The following SDC3 variants were observed in gnomAD, a reference collection of about 807,000 sequenced individuals.
SDC3 encodes syndecan-3.
Under a neutral mutation model 24.4 loss-of-function variants are expected in SDC3, and 13 were observed. The ratio of observed to expected loss-of-function variants is 0.53; its 90% CI spans 0.35 to 0.85. The LOEUF is 0.85. Ranked by LOEUF, SDC3 falls within the 40% of genes least tolerant of loss-of-function variation. The pLI is 0.01. For synonymous variants in SDC3, 295 were observed against 260.9 expected (o/e 1.13, Z -1.26); for missense variants, 571 against 584.5 (o/e 0.98, Z 0.24).
At chr1:30,885,833 G>A (rs1356652176) in intron 1 of SDC3, among the ~76,000 whole-genome samples, 1 of 152,154 alleles carries the variant, frequency 6.6e-6, no homozygotes, top group African/African-American at 2.4e-5. Flanking sequence ...CTGTTGAGGT[G>A]CAGACTGGCT....
intron 1 of SDC3, among the ~76,000 whole-genome samples, chr1:30,895,145 G>A (rs1392463533): frequency 6.6e-6 from 1 of 152,048 alleles, no homozygotes; most frequent in Non-Finnish European, 1.5e-5. Context: ...TGATCCCCCT[G>A]GCATAGGCTA....
At chr1:30,891,754 G>A (rs1217518008) in intron 1 of SDC3, among the ~76,000 whole-genome samples, 1 of 151,778 alleles carries the variant, frequency 6.6e-6, no homozygotes, top group Non-Finnish European at 1.5e-5. Flanking sequence ...TCAGAAGGCT[G>A]AGGCAGGAGG....
In SDC3 at chr1:30,869,564, A is replaced by T. The variant is rs1306185957; in HGVS notation, c.*3647T>A. 2 of 397,960 alleles carry T rather than the reference A, an allele frequency of 5.0e-6. No individual in the cohort carries two copies. The highest frequency in any genetic ancestry group is 8.9e-6 in the Non-Finnish European group (2 of 225,926). 24.7% of individuals were successfully genotyped at this position (397,960 alleles called of 1,614,324 possible). On this transcript the variant is annotated 3_prime_UTR_variant, in exon 5 of 5. Coordinates refer to ENST00000339394, the MANE Select transcript of SDC3 (RefSeq NM_014654.4). ...AAAAAAAAAAAAAAAAAAAAAAACA[A>T]AAACAAAACCAGTTCCTTCACAAGG...
Position 30,876,745 on chromosome 1 carries a change from G to T in SDC3, c.677C>A (p.Thr226Asn). ...LTTVATARAT[T>N]PEAPSPPTTA... Reference sequence around the variant, plus strand: ...GGTGGGCGGGGAGGGCGCCTCGGGGGTAGTGGCCCGTGCCGTAGCCACTGT... The same window carrying T: ...GGTGGGCGGGGAGGGCGCCTCGGGGTTAGTGGCCCGTGCCGTAGCCACTGT... The change falls in exon 3 of 5, where the codon ACC (threonine) becomes AAC (asparagine). Residue 226 changes from threonine (T) to asparagine (N), a missense_variant. Transcript: ENST00000339394. 1 of 1,588,908 alleles carries T rather than the reference G, an allele frequency of 6.3e-7. No individual in the cohort carries two copies. Among genetic ancestry groups the T allele is most frequent in the Non-Finnish European group, 8.6e-7 (1 of 1,167,268 alleles).
intron 3 of SDC3, among the ~76,000 whole-genome samples, chr1:30,875,849 C>T (rs1037706244): frequency 6.6e-6 from 1 of 152,168 alleles, no homozygotes; most frequent in Non-Finnish European, 1.5e-5. Flanking sequence ...CACAGTTGCT[C>T]GTCTGTAAAA....
rs11338317 is a variant in SDC3 at position 30,869,536 on chromosome 1, CAAAAAAAAAAAAAAA to C, written c.*3660_*3674del. 9.0e-6 allele frequency: 3 copies of C among 331,864 alleles called. No individual in the cohort carries two copies. The highest frequency in any genetic ancestry group is 1.6e-5 in the Non-Finnish European group (3 of 192,638). The allele number at this position is 331,864 out of a possible 1,614,324, so 20.6% of individuals were successfully genotyped here. On this transcript the variant is annotated 3_prime_UTR_variant, in exon 5 of 5. Coordinates refer to ENST00000339394, the MANE Select transcript of SDC3 (RefSeq NM_014654.4). The stretch of plus-strand genomic sequence containing the variant: ...AGGAAGTGTTAAAAAAACAAACAAA[CAAAAAAAAAAAAAAA>C]AAAAAAAAAACAAAAACAAAACCAG...
intron 1 of SDC3, among the ~76,000 whole-genome samples, chr1:30,892,316 C>T (rs1639918148): frequency 6.6e-6 from 1 of 152,188 alleles, no homozygotes; most frequent in Non-Finnish European, 1.5e-5. Flanking sequence ...CATCCCCAGG[C>T]AGGATCAGAA....
At chr1:30,906,357 C>G (rs1638520071) in intron 1 of SDC3, among the ~76,000 whole-genome samples, 1 of 152,150 alleles carries the variant, frequency 6.6e-6, no homozygotes, top group African/African-American at 2.4e-5. Flanking sequence ...TGGGCTCAGA[C>G]TCCCAGGGTC....
Position 30,874,428 on chromosome 1 carries a change from G to A in SDC3, c.1031C>T (p.Ser344Leu). ...VAVGGAAAKA[S>L]SPPGTLPKGA... The stretch of plus-strand genomic sequence containing the variant: ...CTTGGGCAGTGTCCCAGGTGGAGAT[G>A]ATGCCTTGGCCGCAGCCCCTCCCAC... Residue 344 changes from serine (S) to leucine (L), a missense_variant, in exon 4 of 5, where the codon TCA (serine) becomes TTA (leucine). Transcript: ENST00000339394. 6.2e-7 allele frequency: 1 copy of A among 1,614,198 alleles called. No homozygotes were observed. Among genetic ancestry groups the A allele is most frequent in the Non-Finnish European group, 8.5e-7 (1 of 1,180,016 alleles).
intron 1 of SDC3, among the ~76,000 whole-genome samples, chr1:30,897,060 G>T (rs1165237785): frequency 6.6e-6 from 1 of 152,178 alleles, no homozygotes; most frequent in Non-Finnish European, 1.5e-5. Flanking sequence ...GGAAATATTG[G>T]GCATATATGG....
rs1165327449 is a variant in SDC3 at position 30,873,264 on chromosome 1, G to A, written c.1276C>T (p.Gln426Ter). The change falls in exon 5 of 5, where the codon CAG (glutamine) becomes TAG (stop). Residue 426 changes from glutamine (Q) to a stop codon, truncating the protein, a stop_gained. Transcript: ENST00000339394. LOFTEE classifies it high-confidence loss of function. The stretch of plus-strand genomic sequence containing the variant: ...GGCTTCTGGTATGTGACGCTCGCCT[G>A]CTTGGGTTCCTCCAGCGTGTAGCTG... ...EGSYTLEEPKQASVTYQKPDK... is the reference protein window; with the variant it reads ...EGSYTLEEPK 2 of 1,613,478 alleles carry A rather than the reference G, an allele frequency of 1.2e-6. No individual in the cohort carries two copies. Among genetic ancestry groups the A allele is most frequent in the South Asian group, 1.1e-5 (1 of 91,060 alleles).
At chr1:30,876,447 C>A in intron 3 of SDC3, 105 bp downstream of exon 3, 1 of 1,003,838 alleles carries the variant, frequency 1.0e-6, no homozygotes. Flanking sequence ...TCTGGCTCAT[C>A]TCTATAGCCT....
chr1:30,894,559 TGA>T (rs1216461650), intron 1 of SDC3, among the ~76,000 whole-genome samples: 2 of 125,254 alleles, frequency 1.6e-5, no homozygotes, highest in Admixed American at 8.2e-5. Context: ...TGTGTGTGGG[TGA>T]GAGTGTGTGG....
intron 1 of SDC3, among the ~76,000 whole-genome samples, chr1:30,892,386 G>A (rs1221842527): frequency 6.6e-6 from 1 of 152,124 alleles, no homozygotes; most frequent in East Asian, 1.9e-4. Context: ...CCTGTAGGAA[G>A]CTCCACCAGG....
intron 1 of SDC3, among the ~76,000 whole-genome samples, chr1:30,886,010 C>CTGCT (rs1639822337): frequency 6.6e-6 from 1 of 152,164 alleles, no homozygotes; most frequent in Non-Finnish European, 1.5e-5. Context: ...CTGACTCACA[C>CTGCT]TGCTCATTGA....
intron 1 of SDC3, among the ~76,000 whole-genome samples, chr1:30,887,192 C>T (rs1639841854): frequency 6.6e-6 from 1 of 151,988 alleles, no homozygotes; most frequent in Admixed American, 6.6e-5. Context: ...CCTGCCCCCA[C>T]CATGACTCAC....
chr1:30,893,529 C>T (rs1639939303), intron 1 of SDC3, among the ~76,000 whole-genome samples: 1 of 152,042 alleles, frequency 6.6e-6, no homozygotes, highest in Admixed American at 6.6e-5. Flanking sequence ...TCACGCGTCC[C>T]CTCCTCATGG....
In SDC3 at chr1:30,874,462, C is replaced by A; in HGVS notation, c.997G>T (p.Val333Leu). 1 of 1,614,194 alleles carries A rather than the reference C, an allele frequency of 6.2e-7. No individual in the cohort carries two copies. Among genetic ancestry groups the A allele is most frequent in the Non-Finnish European group, 8.5e-7 (1 of 1,180,030 alleles). Residue 333 changes from valine (V) to leucine (L), a missense_variant, in exon 4 of 5, where the codon GTG (valine) becomes TTG (leucine). Val to Leu is a conservative substitution (Grantham distance 32). Transcript: ENST00000339394. The part of the protein sequence containing the change: ...ETTQPDTANE[V>L]VAVGGAAAKA... ...GCCGCAGCCCCTCCCACAGCTACCACCTCATTGGCTGTGTCTGGTTGTGTG... is the reference window on the plus strand; with the variant it reads ...GCCGCAGCCCCTCCCACAGCTACCAACTCATTGGCTGTGTCTGGTTGTGTG...
At chr1:30,884,839 AATAACCC>A (rs1234844309) in intron 1 of SDC3, among the ~76,000 whole-genome samples, 2 of 152,228 alleles carry the variant, frequency 1.3e-5, no homozygotes, top group African/African-American at 4.8e-5. Context: ...AAAAAATGGA[AATAACCC>A]ACATACTGAA....
Sources: allele counts gnomAD v4.1 joint callset (sites outside exome capture counted in the v4.1 genomes callset), GRCh38; gene constraint gnomAD v4.1.1; transcripts MANE v1.5; gene names NCBI Gene and HGNC (gene_info 2026-07-23, HGNC 2026-07-21).